The following NOX4 variants were observed in gnomAD, a reference collection of about 807,000 sequenced individuals.
NOX4 encodes the protein kidney oxidase-1.
Under a neutral mutation model 87.6 loss-of-function variants are expected in NOX4, and 69 were observed. The observed-to-expected ratio is 0.79, with a 90% CI of 0.65 to 0.96. The LOEUF (loss-of-function observed/expected upper bound fraction) is 0.96. NOX4 is among the 40% of genes least tolerant of loss of function. The pLI is 0.00. For missense variants in NOX4, 680 were observed against 681.5 expected, an observed-to-expected ratio of 1.00 and a Z score of 0.02; for synonymous variants, 275 against 238.2, an observed-to-expected ratio of 1.15 and a Z score of -1.42.
chr11:89,329,824 T>C (rs1397483404), intron 17 of NOX4, among the ~76,000 whole-genome samples: 1 of 152,060 alleles, frequency 6.6e-6, no homozygotes, highest in Middle Eastern at 3.4e-3. Context: ...ATAAAAACTG[T>C]ATACAAACAA....
the NOX4 span, among the ~76,000 whole-genome samples, chr11:89,583,768 T>C: frequency 1.3e-5 from 2 of 152,138 alleles, no homozygotes; most frequent in Non-Finnish European, 2.9e-5. Flanking sequence ...GGAATTGCAC[T>C]GATCCCTCTA....
At chr11:89,486,052 G>A (rs1946576564) in intron 2 of NOX4, among the ~76,000 whole-genome samples, 1 of 151,660 alleles carries the variant, frequency 6.6e-6, no homozygotes. Context: ...TTATCTTCTA[G>A]CAATTAAGAT....
chr11:89,385,928 A>G (rs1305410048), intron 11 of NOX4, among the ~76,000 whole-genome samples: 1 of 152,136 alleles, frequency 6.6e-6, no homozygotes, highest in East Asian at 1.9e-4. Context: ...ACATAGTCCA[A>G]TAATGGACCG....
At chr11:89,389,184 T>C (rs1351301429) in intron 11 of NOX4, among the ~76,000 whole-genome samples, 2 of 152,154 alleles carry the variant, frequency 1.3e-5, no homozygotes, top group Admixed American at 6.5e-5. Context: ...ACAATCACAA[T>C]TTCCTTGGAA....
chr11:89,403,310 T>C (rs979837734), intron 8 of NOX4, among the ~76,000 whole-genome samples: 1 of 152,150 alleles, frequency 6.6e-6, no homozygotes, highest in African/African-American at 2.4e-5. Flanking sequence ...AGATTGTACA[T>C]AGCATCAACA....
At chr11:89,446,386 T>C (rs545814301) in intron 4 of NOX4, among the ~76,000 whole-genome samples, 1 of 152,142 alleles carries the variant, frequency 6.6e-6, no homozygotes, top group South Asian at 2.1e-4. Context: ...GAACTAAAAA[T>C]GTATGCCCAC....
At chr11:89,538,720 ATT>A in the NOX4 span, among the ~76,000 whole-genome samples, 46 of 148,202 alleles carry the variant, frequency 3.1e-4, no homozygotes, top group South Asian at 4.2e-4. Flanking sequence ...ACACCCCACT[ATT>A]TTTTTTTTTT....
chr11:89,578,233 C>T, the NOX4 span, among the ~76,000 whole-genome samples: 640 of 151,456 alleles, frequency 4.2e-3, 2 homozygotes, highest in Admixed American at 8.8e-3. Context: ...GTGATCACGG[C>T]TTACTGCAAC....
chr11:89,439,423 T>A (rs1264898673), intron 6 of NOX4, among the ~76,000 whole-genome samples: 1 of 152,102 alleles, frequency 6.6e-6, no homozygotes, highest in African/African-American at 2.4e-5. Flanking sequence ...GTATTATAAA[T>A]CTATAGACAA....
chr11:89,530,669 T>C, the NOX4 span, among the ~76,000 whole-genome samples: 1 of 152,060 alleles, frequency 6.6e-6, no homozygotes, highest in East Asian at 1.9e-4. Flanking sequence ...CCTGGATTAG[T>C]TGTCTATTTT....
At chr11:89,373,296 A>C (rs1939591283) in intron 12 of NOX4, 136 bp downstream of exon 12, 3 of 483,486 alleles carry the variant, frequency 6.2e-6, no homozygotes, top group Admixed American at 3.5e-5. Context: ...AAAAAAAAAA[A>C]AACAAAAAAA....
chr11:89,397,932 T>A (rs1162795304), intron 11 of NOX4, among the ~76,000 whole-genome samples: 1 of 151,548 alleles, frequency 6.6e-6, no homozygotes, highest in Non-Finnish European at 1.5e-5. Context: ...TTCCAATCAA[T>A]AGAAAAAGAG....
the NOX4 span, among the ~76,000 whole-genome samples, chr11:89,568,906 G>A: frequency 1.3e-5 from 2 of 152,262 alleles, no homozygotes; most frequent in East Asian, 3.9e-4. Flanking sequence ...ACAAAAACAA[G>A]CAATGGTAAA....
At chr11:89,481,546 A>G (rs1946391959) in intron 2 of NOX4, among the ~76,000 whole-genome samples, 1 of 152,024 alleles carries the variant, frequency 6.6e-6, no homozygotes, top group Non-Finnish European at 1.5e-5. Flanking sequence ...ATGCTTAACC[A>G]CAATTGAAAT....
intron 13 of NOX4, among the ~76,000 whole-genome samples, chr11:89,352,251 A>G (rs1946491485): frequency 6.6e-6 from 1 of 152,236 alleles, no homozygotes; most frequent in South Asian, 2.1e-4. Context: ...TACGTACCAC[A>G]AAAATTTATA....
In NOX4 at chr11:89,400,090, A is replaced by C. The variant is rs567865375; in HGVS notation, c.1012-11T>G. The C allele has an allele frequency of 1.1e-5, 17 of 1,597,414 alleles. No individual in the cohort carries two copies. The African/African-American group carries it at 1.7e-4, about 16-fold the overall frequency. On this transcript the variant is annotated splice_polypyrimidine_tract_variant and intron_variant, in intron 10 of 17. Transcript: ENST00000263317. Reference sequence around the variant, plus strand: ...ATGTAGAGTAATATACTAAAAAGCAACAAACAGATAAGTTTTAAATGACCA... The same window carrying C: ...ATGTAGAGTAATATACTAAAAAGCACCAAACAGATAAGTTTTAAATGACCA...
chr11:89,517,063 C>T, the NOX4 span, among the ~76,000 whole-genome samples: 1 of 151,988 alleles, frequency 6.6e-6, no homozygotes, highest in South Asian at 2.1e-4. Flanking sequence ...CGGTTCAATG[C>T]GTAATTGAAA....
At chr11:89,428,272 A>C (rs560774891) in intron 7 of NOX4, among the ~76,000 whole-genome samples, 20 of 150,206 alleles carry the variant, frequency 1.3e-4, no homozygotes, top group African/African-American at 4.7e-4. Flanking sequence ...AACACACCAA[A>C]TTGTAAAGAC....
At chr11:89,566,118 C>A in the NOX4 span, among the ~76,000 whole-genome samples, 1 of 150,160 alleles carries the variant, frequency 6.7e-6, no homozygotes, top group Admixed American at 6.7e-5. Context: ...TCTCGGCTCA[C>A]TGCAAGCTCT....
Sources: allele counts gnomAD v4.1 joint callset (sites outside exome capture counted in the v4.1 genomes callset), GRCh38; gene constraint gnomAD v4.1.1; transcripts MANE v1.5; gene names NCBI Gene and HGNC (gene_info 2026-07-23, HGNC 2026-07-21).